The following STK32A variants were observed in gnomAD, a reference collection of about 807,000 sequenced individuals.
STK32A encodes serine/threonine-protein kinase 32A.
Under a neutral mutation model 53.2 loss-of-function variants are expected in STK32A, and 41 were observed. The observed-to-expected ratio is 0.77, with a 90% confidence interval of 0.60 to 1.00. The LOEUF (loss-of-function observed/expected upper bound fraction) is 1.00. Among genes scored for constraint, STK32A ranks in the 50% least tolerant of loss-of-function variants. The probability of loss-of-function intolerance (pLI) is 0.00; values close to 1 mark genes in which losing one functional copy is unlikely to be tolerated. For synonymous variants in STK32A, 166 were observed against 162.8 expected, an observed-to-expected ratio of 1.02 and a Z score of -0.15; for missense variants, 458 against 485.8, an observed-to-expected ratio of 0.94 and a Z score of 0.54.
At chr5:147,258,599 A>G (rs1400588428) in intron 2 of STK32A, among the ~76,000 whole-genome samples, 1 of 152,142 alleles carries the variant, frequency 6.6e-6, no homozygotes, top group South Asian at 2.1e-4. Flanking sequence ...ACTTGTTGTA[A>G]ACATCCCTTT....
chr5:147,393,038 A>G, the STK32A span: 4 of 152,212 alleles, frequency 2.6e-5, no homozygotes, highest in Non-Finnish European at 4.4e-5. Context: ...GAGGCCCTTC[A>G]TTCTGCCTCA....
At chr5:147,268,165 T>C (rs913511474) in intron 2 of STK32A, among the ~76,000 whole-genome samples, 1 of 152,208 alleles carries the variant, frequency 6.6e-6, no homozygotes, top group Non-Finnish European at 1.5e-5. Flanking sequence ...CTACTTTATA[T>C]TGCAGTTGTT....
chr5:147,394,805 A>G, the STK32A span, among the ~76,000 whole-genome samples: 1 of 151,976 alleles, frequency 6.6e-6, no homozygotes, highest in Non-Finnish European at 1.5e-5. Flanking sequence ...GGTCTCCCTT[A>G]CCTCTTTCTC....
intron 11 of STK32A, among the ~76,000 whole-genome samples, chr5:147,377,110 T>C (rs1252030492): frequency 6.6e-6 from 1 of 152,194 alleles, no homozygotes; most frequent in Non-Finnish European, 1.5e-5. Flanking sequence ...TGCCTTCACC[T>C]ATCCCATAAG....
At chr5:147,289,982 T>C (rs904331273) in intron 4 of STK32A, among the ~76,000 whole-genome samples, 1 of 152,210 alleles carries the variant, frequency 6.6e-6, no homozygotes, top group Non-Finnish European at 1.5e-5. Context: ...TTTTAGTATA[T>C]GGCCCAAATA....
chr5:147,356,368 C>T (rs950213653), intron 7 of STK32A, among the ~76,000 whole-genome samples: 8 of 152,114 alleles, frequency 5.3e-5, no homozygotes, highest in African/African-American at 1.9e-4. Flanking sequence ...TTTATTATTG[C>T]ATAATATATT....
intron 5 of STK32A, among the ~76,000 whole-genome samples, chr5:147,337,949 T>G (rs1043688509): frequency 6.6e-6 from 1 of 152,138 alleles, no homozygotes; most frequent in Admixed American, 6.5e-5. Flanking sequence ...AAACTATTGG[T>G]GTGGGACGGA....
chr5:147,332,496 T>C (rs1417805772), intron 5 of STK32A, among the ~76,000 whole-genome samples: 1 of 152,160 alleles, frequency 6.6e-6, no homozygotes, highest in Non-Finnish European at 1.5e-5. Flanking sequence ...TGATTACTTA[T>C]ATTGTATGTG....
chr5:147,390,451 C>T (rs1325406595), downstream of STK32A, among the ~76,000 whole-genome samples: 2 of 121,990 alleles, frequency 1.6e-5, no homozygotes, highest in African/African-American at 6.8e-5. Context: ...CCAAAACAAT[C>T]AAATAGCAAG....
intron 2 of STK32A, among the ~76,000 whole-genome samples, chr5:147,275,704 G>A (rs1755228142): frequency 6.6e-6 from 1 of 152,090 alleles, no homozygotes; most frequent in African/African-American, 2.4e-5. Flanking sequence ...AGACAGTACG[G>A]CACTAGACTA....
chr5:147,373,219 G>A lies in STK32A; in HGVS notation c.828G>A (p.Gln276=), dbSNP rs770439777. The change falls in exon 10 of 13, where the codon CAG becomes CAA. Residue 276 remains glutamine, a synonymous_variant. Coordinates refer to ENST00000397936, the MANE Select transcript of STK32A (RefSeq NM_001112724.2). Reference sequence around the variant, plus strand: ...GATTTTCTCAGTTATCTGATGTCCAGAACTTCCCGTATATGAATGATATAA... The same window carrying A: ...GATTTTCTCAGTTATCTGATGTCCAAAACTTCCCGTATATGAATGATATAA... ...DQRFSQLSDV[Q]NFPYMNDINW... is the part of the protein sequence containing the mutation. 1.2e-6 allele frequency: 2 copies of A among 1,613,372 alleles called. No homozygotes were observed. Among genetic ancestry groups the A allele is most frequent in the South Asian group, 2.2e-5 (2 of 91,064 alleles).
chr5:147,249,683 G>T (rs1468814350), intron 2 of STK32A, among the ~76,000 whole-genome samples: 1 of 151,786 alleles, frequency 6.6e-6, no homozygotes, highest in African/African-American at 2.4e-5. Context: ...GAGGCCGAGG[G>T]GGGTGGATCG....
intron 9 of STK32A, 62 bp downstream of exon 9, chr5:147,370,832 G>A: frequency 9.2e-7 from 1 of 1,087,118 alleles, no homozygotes; most frequent in Non-Finnish European, 1.4e-6. Flanking sequence ...TCTGGCTTAA[G>A]TTTAGAAGTT....
At chr5:147,251,253 T>G (rs1160209623) in intron 2 of STK32A, among the ~76,000 whole-genome samples, 2 of 152,162 alleles carry the variant, frequency 1.3e-5, no homozygotes, top group African/African-American at 4.8e-5. Context: ...TAACTGTCTC[T>G]TAGGCTCTCA....
rs11956931 is a variant in STK32A at position 147,303,737 on chromosome 5, A to T, written c.261-20161A>T. On this transcript the variant is annotated intron_variant, in intron 4 of 12. Transcript: ENST00000397936. ...AACTCAGAGCCACATGATGTTATTG[A>T]GTCCTTGTAGTGCTCTGAAAGGGTT... 7.9e-3 allele frequency among the ~76,000 whole-genome samples: 1,209 copies of T among 152,352 alleles called. 7 individuals are homozygous for T. The highest frequency in any genetic ancestry group is 0.013 in the Non-Finnish European group (914 of 68,040).
intron 7 of STK32A, among the ~76,000 whole-genome samples, chr5:147,359,592 G>C (rs1756401296): frequency 6.6e-6 from 1 of 152,164 alleles, no homozygotes; most frequent in Middle Eastern, 3.2e-3. Context: ...GCTTCTCTGA[G>C]TGACGTGTCT....
downstream of STK32A, among the ~76,000 whole-genome samples, chr5:147,388,635 G>A (rs1421732463): frequency 6.6e-6 from 1 of 152,054 alleles, no homozygotes; most frequent in African/African-American, 2.4e-5. Context: ...CTCATGGTCG[G>A]GGTCTCCTTT....
At chr5:147,396,579 C>T in the STK32A span, among the ~76,000 whole-genome samples, 1 of 152,164 alleles carries the variant, frequency 6.6e-6, no homozygotes, top group African/African-American at 2.4e-5. Context: ...GTTAGTGACT[C>T]AAATGCCAGC....
At chr5:147,278,449 T>C (rs1310396994) in intron 3 of STK32A, among the ~76,000 whole-genome samples, 2 of 152,216 alleles carry the variant, frequency 1.3e-5, no homozygotes, top group African/African-American at 4.8e-5. Flanking sequence ...CTTTTCTCTC[T>C]ACCCTAAAGG....
Sources: gnomAD v4.1 joint callset for allele counts (sites outside exome capture counted in the v4.1 genomes callset) on GRCh38, gnomAD v4.1.1 for gene constraint, MANE v1.5 for transcripts, NCBI Gene and HGNC (gene_info 2026-07-23, HGNC 2026-07-21) for gene names.